The following AFTPH variants were observed in gnomAD, a reference collection of about 807,000 sequenced individuals.
AFTPH encodes the protein aftiphilin.
In AFTPH, 7 loss-of-function variants were observed where a neutral mutation model predicts 72.5. That is an observed-to-expected ratio of 0.10 (90% CI 0.05 to 0.18). AFTPH has a LOEUF of 0.18. Among genes scored for constraint, AFTPH ranks in the 10% least tolerant of loss-of-function variants. The pLI, the probability that AFTPH is intolerant of heterozygous loss-of-function variation, is 1.00. For missense variants in AFTPH, 979 were observed against 1,060.5 expected, an observed-to-expected ratio of 0.92 and a Z score of 1.07; for synonymous variants, 337 against 370.1, an observed-to-expected ratio of 0.91 and a Z score of 1.03.
intron 1 of AFTPH, among the ~76,000 whole-genome samples, chr2:64,525,143 C>T (rs1669178140): frequency 6.6e-6 from 1 of 152,224 alleles, no homozygotes; most frequent in South Asian, 2.1e-4. Context: ...GGGACAGCCC[C>T]AAAGCTCACG....
intron 5 of AFTPH, among the ~76,000 whole-genome samples, chr2:64,572,109 A>G (rs1672470854): frequency 6.6e-6 from 1 of 151,462 alleles, no homozygotes; most frequent in Non-Finnish European, 1.5e-5. Flanking sequence ...AATCTTAGCT[A>G]CTCGGGAGGC....
chr2:64,572,369 T>C (rs1672488987), intron 5 of AFTPH, among the ~76,000 whole-genome samples: 1 of 152,206 alleles, frequency 6.6e-6, no homozygotes, highest in South Asian at 2.1e-4. Flanking sequence ...GGATCAAATA[T>C]TAAGTTTACA....
intron 2 of AFTPH, among the ~76,000 whole-genome samples, chr2:64,555,803 A>T (rs1458960367): frequency 6.6e-6 from 1 of 151,578 alleles, no homozygotes; most frequent in African/African-American, 2.4e-5. Flanking sequence ...TTGAACAAAG[A>T]CTCTCGTTCT....
chr2:64,591,795 T>C lies in AFTPH; in HGVS notation c.2580-90T>C, dbSNP rs1673841010. Reference sequence around the variant, plus strand: ...GAAAAAATACTCAAGTCCCCACAGATTGCTAACTGTCTACCTTGAGAGTGG... The same window carrying C: ...GAAAAAATACTCAAGTCCCCACAGACTGCTAACTGTCTACCTTGAGAGTGG... On this transcript the variant is annotated intron_variant, in intron 8 of 8. Coordinates refer to ENST00000238856, the Ensembl canonical transcript of AFTPH. 10 of 1,371,208 alleles carry C rather than the reference T, an allele frequency of 7.3e-6. No individual in the cohort carries two copies. In the Admixed American group the frequency reaches 7.3e-5, roughly 10 times the overall value. The allele number at this position is 1,371,208 out of a possible 1,614,324, so 84.9% of individuals were successfully genotyped here.
exon 9 of AFTPH, chr2:64,592,115 T>TAAA (rs35699964): frequency 0.16 from 129,137 of 820,076 alleles, 4,876 homozygotes; most frequent in African/African-American, 0.23. Context: ...CTGCTCTAAT[T>TAAA]AAAAAAAAAA....
At chr2:64,585,493 G>A (rs1673452627) in exon 8 of AFTPH, 3 of 1,613,558 alleles carry the variant, frequency 1.9e-6, no homozygotes, top group African/African-American at 1.3e-5. Flanking sequence ...CAAAGTGACT[G>A]ATGCATTTGC....
intron 1 of AFTPH, among the ~76,000 whole-genome samples, chr2:64,533,508 A>G (rs1431598733): frequency 6.6e-6 from 1 of 152,252 alleles, no homozygotes; most frequent in Non-Finnish European, 1.5e-5. Flanking sequence ...TAACAAAGCA[A>G]CTTAAAATAA....
At chr2:64,551,354 A>C in intron 1 of AFTPH, 89 bp from the exon 2 acceptor site, 1 of 1,018,624 alleles carries the variant, frequency 9.8e-7, no homozygotes, top group Non-Finnish European at 1.4e-6. Flanking sequence ...GTAAATTTGC[A>C]TTGTTTTAAA....
intron 5 of AFTPH, among the ~76,000 whole-genome samples, chr2:64,572,428 T>C (rs1277119841): frequency 1.3e-5 from 2 of 152,164 alleles, no homozygotes; most frequent in African/African-American, 4.8e-5. Flanking sequence ...CAATCAGCTC[T>C]CACTTCTCAC....
At chr2:64,577,051 G>A (rs185657183) in intron 6 of AFTPH, among the ~76,000 whole-genome samples, 14 of 145,066 alleles carry the variant, frequency 9.7e-5, no homozygotes, top group East Asian at 5.2e-4. Flanking sequence ...GAGCCACCGC[G>A]CCTGGCCACC....
chr2:64,569,600 C>A lies in AFTPH; in HGVS notation c.2215-23C>A, dbSNP rs781668964. 3.1e-6 allele frequency: 5 copies of A among 1,610,954 alleles called. No homozygotes were observed. In the East Asian group the frequency reaches 8.9e-5, roughly 29 times the overall value. On this transcript the variant is annotated intron_variant, in intron 4 of 8. Coordinates refer to ENST00000238856, the Ensembl canonical transcript of AFTPH. ...ATAGATTATTCTCTAAATATATGTT[C>A]TTTCTGTCTAACGTGTGTGTAGCTC...
chr2:64,551,977 T>C, exon 2 of AFTPH: 1 of 1,613,810 alleles, frequency 6.2e-7, no homozygotes, highest in Non-Finnish European at 8.5e-7. Flanking sequence ...AACAAGCAGT[T>C]AGAGAGCTGC....
At chr2:64,551,784 T>A (rs1242961670) in exon 2 of AFTPH, 1 of 1,613,646 alleles carries the variant, frequency 6.2e-7, no homozygotes, top group East Asian at 2.2e-5. Context: ...GAAAGGACAG[T>A]CTGATGTTTT....
intron 7 of AFTPH, chr2:64,580,943 T>C (rs1388703982): frequency 3.6e-6 from 1 of 274,562 alleles, no homozygotes; most frequent in Non-Finnish European, 6.9e-6. Context: ...CCTTACTAAG[T>C]GTTACATTCT....
At chr2:64,578,537 T>C (rs893664983) in intron 6 of AFTPH, among the ~76,000 whole-genome samples, 1 of 149,740 alleles carries the variant, frequency 6.7e-6, no homozygotes, top group Non-Finnish European at 1.5e-5. Flanking sequence ...AGTTACGAAA[T>C]TTAAACCCCT....
At chr2:64,552,406 G>C (rs1160649852) in exon 2 of AFTPH, 1 of 1,613,978 alleles carries the variant, frequency 6.2e-7, no homozygotes, top group East Asian at 2.2e-5. Context: ...AGAGGTTTCA[G>C]TGTTGAAAAA....
At chr2:64,574,818 AC>A (rs1672666074) in intron 6 of AFTPH, among the ~76,000 whole-genome samples, 1 of 152,200 alleles carries the variant, frequency 6.6e-6, no homozygotes, top group South Asian at 2.1e-4. Flanking sequence ...CTGCCCTGAT[AC>A]GCCCTCTGGC....
At chr2:64,551,970 A>G in exon 2 of AFTPH, 1 of 1,613,810 alleles carries the variant, frequency 6.2e-7, no homozygotes, top group Non-Finnish European at 8.5e-7. Context: ...TCATCAAAAC[A>G]AGCAGTTAGA....
chr2:64,572,672 A>G (rs1672513273), intron 5 of AFTPH, among the ~76,000 whole-genome samples: 1 of 152,184 alleles, frequency 6.6e-6, no homozygotes, highest in Non-Finnish European at 1.5e-5. Context: ...GGTTCTCATT[A>G]TAGTGCTATA....
Sources: gnomAD v4.1 joint callset for allele counts (sites outside exome capture counted in the v4.1 genomes callset) on GRCh38, gnomAD v4.1.1 for gene constraint, MANE v1.5 for transcripts, NCBI Gene and HGNC (gene_info 2026-07-23, HGNC 2026-07-21) for gene names.